POLE: variants seen among roughly 807,000 people sequenced by gnomAD.
The protein encoded by POLE is DNA polymerase epsilon, catalytic subunit, also known as DNA polymerase epsilon catalytic subunit A.
In POLE, 188 loss-of-function variants were observed where a neutral mutation model predicts 279.2. The ratio of observed to expected loss-of-function variants is 0.67; its 90% CI spans 0.60 to 0.76. The LOEUF is 0.76. Among genes scored for constraint, POLE ranks in the 30% least tolerant of loss-of-function variants. POLE has a pLI of 0.00. For synonymous variants in POLE, 1,214 were observed against 1,172.5 expected, an observed-to-expected ratio of 1.04 and a Z score of -0.72; for missense variants, 2,703 against 3,016.7, an observed-to-expected ratio of 0.90 and a Z score of 2.44.
intron 6 of POLE, among the ~76,000 whole-genome samples, chr12:132,679,255 C>A (rs927398622): frequency 6.6e-6 from 1 of 152,144 alleles, no homozygotes; most frequent in Non-Finnish European, 1.5e-5. Context: ...CTATTACAAC[C>A]ACTCAATTTT....
rs1399456425 is a variant in POLE at position 132,648,990 on chromosome 12, G to C, written c.4088C>G (p.Pro1363Arg). 6.2e-7 allele frequency: 1 copy of C among 1,614,100 alleles called. No individual in the cohort carries two copies. Among genetic ancestry groups the C allele is most frequent in the East Asian group, 2.2e-5 (1 of 44,890 alleles). ...SDLHCIRLSIPRVFYVNQRVA... is the reference protein window; with the variant it reads ...SDLHCIRLSIRRVFYVNQRVA... ...TCGCTGGTTCACGTAGAACACACGGGGGATGCTCAGCCTGATGCAGTGCAA... is the reference window on the plus strand; with the variant it reads ...TCGCTGGTTCACGTAGAACACACGGCGGATGCTCAGCCTGATGCAGTGCAA... The change falls in exon 32 of 49, where the codon CCC becomes CGC. Residue 1363 changes from proline to arginine, a missense_variant. This residue lies in a region of POLE where 1,551 missense variants were observed against 1,686.1 expected (regional missense o/e 0.92). Coordinates refer to ENST00000320574, the MANE Select transcript of POLE (RefSeq NM_006231.4).
intron 39 of POLE, 187 bp downstream of exon 39, chr12:132,641,460 A>T (rs1407318502): frequency 3.3e-6 from 2 of 604,418 alleles, no homozygotes; most frequent in African/African-American, 3.7e-5. Flanking sequence ...GTCGCCAGGG[A>T]CCAGGCCGGA....
At chr12:132,677,341 A>T in intron 8 of POLE, 22 bp downstream of exon 8, 2 of 1,585,374 alleles carry the variant, frequency 1.3e-6, no homozygotes, top group Non-Finnish European at 1.7e-6. Context: ...TTTAGGATGA[A>T]GGTAACACAA....
chr12:132,678,204 T>C (rs1250697032), intron 6 of POLE, among the ~76,000 whole-genome samples: 2 of 148,296 alleles, frequency 1.3e-5, no homozygotes, highest in African/African-American at 2.5e-5. Flanking sequence ...GCTTGGATGA[T>C]AACTCTACAG....
rs1034038596 is a variant in POLE, at chr12:132,664,983, T to C, written c.2468+319A>G. On this transcript the variant is annotated intron_variant, in intron 21 of 48. Coordinates refer to ENST00000320574, the MANE Select transcript of POLE (RefSeq NM_006231.4). This position sits in a 1 kb window ranked among gnomAD's most constrained non-coding sequence, Gnocchi z 5.3. Reference sequence around the variant, plus strand: ...ATGCTGTGAAGCAACTGCCCGACACTCTGCAAGTCCCTGAGTGAGGATCCA... The same window carrying C: ...ATGCTGTGAAGCAACTGCCCGACACCCTGCAAGTCCCTGAGTGAGGATCCA... 2.1e-5 allele frequency among the ~76,000 whole-genome samples: 3 copies of C among 146,006 alleles called. No individual in the cohort carries two copies. The highest frequency in any genetic ancestry group is 7.6e-5 in the African/African-American group (3 of 39,236).
At chr12:132,649,097 C>G (rs1171693694) in intron 31 of POLE, 25 bp from the exon 32 acceptor site, 2 of 1,606,078 alleles carry the variant, frequency 1.2e-6, no homozygotes, top group Non-Finnish European at 1.7e-6. Flanking sequence ...GGACATACAG[C>G]ACATCACAGG....
rs2042844365 is a variant in POLE at position 132,668,406 on chromosome 12, T to C, written c.2123A>G (p.His708Arg). The change falls in exon 19 of 49, where the codon CAT (histidine) becomes CGT (arginine). Residue 708 changes from histidine to arginine, a missense_variant. His to Arg is a conservative substitution (Grantham distance 29). Transcript: ENST00000320574. This position sits in a 1 kb window ranked among gnomAD's most constrained non-coding sequence, Gnocchi z 4.0. ...LFPEGPARAF[H>R]ELSREEQAKY... ...CGCCTGTTCCTCGCGGGACAGTTCA[T>C]GAAAGGCCCGAGCTGGCCCCTCTGG... The C allele has an allele frequency of 1.9e-6, 3 of 1,612,014 alleles. No individual in the cohort carries two copies. Among genetic ancestry groups the C allele is most frequent in the Non-Finnish European group, 2.5e-6 (3 of 1,179,004 alleles).
At chr12:132,677,264 C>A (rs2043075086) in intron 8 of POLE, 99 bp downstream of exon 8, 17 of 864,496 alleles carry the variant, frequency 2.0e-5, no homozygotes, top group Non-Finnish European at 3.4e-5. Flanking sequence ...GGAAAAGCAG[C>A]AAACATATCT....
At chr12:132,648,515 AAAAG>A (rs2042339347) in intron 32 of POLE, 1 of 157,454 alleles carries the variant, frequency 6.4e-6, no homozygotes, top group Non-Finnish European at 1.4e-5. Flanking sequence ...AAAAGAAAAA[AAAAG>A]AAAATGTCAC....
At chr12:132,685,309 C>G (rs547039672) in intron 1 of POLE, among the ~76,000 whole-genome samples, 2 of 151,854 alleles carry the variant, frequency 1.3e-5, no homozygotes, top group African/African-American at 4.8e-5. Context: ...TGTCCCAGTA[C>G]TCCACACAGG....
intron 29 of POLE, among the ~76,000 whole-genome samples, chr12:132,654,135 G>A (rs2042481643): frequency 6.6e-6 from 1 of 151,066 alleles, no homozygotes; most frequent in South Asian, 2.1e-4. Context: ...AAGTAACAAG[G>A]ATTGCCAAGG....
In POLE at chr12:132,675,312, G is replaced by A; in HGVS notation, c.1226+86C>T. The A allele has an allele frequency of 2.0e-6, 3 of 1,521,834 alleles. No individual in the cohort carries two copies. Among genetic ancestry groups the A allele is most frequent in the Non-Finnish European group, 2.7e-6 (3 of 1,125,346 alleles). The allele number at this position is 1,521,834 out of a possible 1,614,324, so 94.3% of individuals were successfully genotyped here. ...CTCGGAGGCCACCCTCCTCCCATGA[G>A]ATGTGGTGACAGCACAGTCTGCAAG... On this transcript the variant is annotated intron_variant, in intron 12 of 48. Coordinates refer to ENST00000320574, the MANE Select transcript of POLE (RefSeq NM_006231.4). This position sits in a 1 kb window ranked among gnomAD's most constrained non-coding sequence, Gnocchi z 4.3.
chr12:132,668,670 T>G lies in POLE; in HGVS notation c.1991A>C (p.Gln664Pro), dbSNP rs1401873092. Residue 664 changes from glutamine to proline, a missense_variant, in exon 18 of 49, where the codon CAG (glutamine) becomes CCG (proline). Physicochemically the swap from Gln to Pro is moderately conservative, Grantham distance 76 (BLOSUM62 -1). Coordinates refer to ENST00000320574, the MANE Select transcript of POLE (RefSeq NM_006231.4). The surrounding 1 kb of genome is among the most constrained non-coding windows in gnomAD (Gnocchi z 4.0). ...CCTCCACTGCCAGGCCATCTTCCGCTGGCAGTTTGCTCCAGGCTTATTGAA... is the reference window on the plus strand; with the variant it reads ...CCTCCACTGCCAGGCCATCTTCCGCGGGCAGTTTGCTCCAGGCTTATTGAA... ...CDFNKPGANC[Q>P]RKMAWQWRGE... is the part of the protein sequence containing the mutation. The G allele has an allele frequency of 1.2e-6, 2 of 1,613,758 alleles. No individual in the cohort carries two copies. Among genetic ancestry groups the G allele is most frequent in the Non-Finnish European group, 1.7e-6 (2 of 1,179,708 alleles).
chr12:132,671,855 G>A (rs970783345), intron 16 of POLE, among the ~76,000 whole-genome samples: 2 of 152,048 alleles, frequency 1.3e-5, no homozygotes, highest in African/African-American at 4.8e-5. Flanking sequence ...GGAATTTACT[G>A]TCATTTTTAA....
In POLE at chr12:132,642,503, C is replaced by CA; in HGVS notation, c.4952+2dup. ...TGGCCCACAACGACAGTACTGTGCTCACCTGCTCATCTCGAAGGCCTGCGA... is the reference window on the plus strand; with the variant it reads ...TGGCCCACAACGACAGTACTGTGCTCAACCTGCTCATCTCGAAGGCCTGCGA... On this transcript the variant is annotated splice_region_variant and intron_variant, in intron 37 of 48. Coordinates refer to ENST00000320574, the MANE Select transcript of POLE (RefSeq NM_006231.4). The CA allele has an allele frequency of 6.2e-7, 1 of 1,613,530 alleles. No individual in the cohort carries two copies. Among genetic ancestry groups the CA allele is most frequent in the Non-Finnish European group, 8.5e-7 (1 of 1,179,878 alleles).
At position 132,673,608 on chromosome 12, in the gene POLE, C is replaced by T. The variant is rs745411507; in HGVS notation, c.1326G>A (p.Glu442=). ...LGYDPVELDP[E]DMCRMATEQP... ...GCTCCGTGGCCATCCGGCACATGTC[C>T]TCCGGGTCTAGCTCCACGGGATCAT... is the stretch of plus-strand genomic sequence containing the variant. Residue 442 remains glutamate (E), a synonymous_variant, in exon 13 of 49, where the codon GAG becomes GAA. Coordinates refer to ENST00000320574, the MANE Select transcript of POLE (RefSeq NM_006231.4). The T allele has an allele frequency of 1.1e-5, 18 of 1,613,516 alleles. No individual in the cohort carries two copies. Among genetic ancestry groups the T allele is most frequent in the Non-Finnish European group, 1.4e-5 (17 of 1,180,016 alleles).
At chr12:132,676,430 G>A in intron 9 of POLE, 116 bp downstream of exon 9, 1 of 777,112 alleles carries the variant, frequency 1.3e-6, no homozygotes, top group South Asian at 1.5e-5. Flanking sequence ...TCCCATTCCT[G>A]GACTAACTCA....
chr12:132,666,777 C>T (rs2042806669), intron 20 of POLE, among the ~76,000 whole-genome samples: 1 of 152,148 alleles, frequency 6.6e-6, no homozygotes, highest in South Asian at 2.1e-4. Context: ...GCGAAGAATT[C>T]TGGAGGTAGA....
chr12:132,625,549 G>C, intron 47 of POLE, 96 bp downstream of exon 47: 1 of 1,482,206 alleles, frequency 6.7e-7, no homozygotes, highest in Admixed American at 1.7e-5. Flanking sequence ...ACACCAGGGC[G>C]TGCCTCAGGA....
Sources: allele counts gnomAD v4.1 joint callset (sites outside exome capture counted in the v4.1 genomes callset), GRCh38; gene constraint gnomAD v4.1.1; regional missense constraint gnomAD v4.1.1; non-coding constraint Gnocchi (gnomAD v3.1); transcripts MANE v1.5; gene names NCBI Gene and HGNC (gene_info 2026-07-23, HGNC 2026-07-21).